Variants in SHTN1 observed in about 807,000 individuals in gnomAD.
SHTN1 encodes shootin-1.
Under a neutral mutation model 83.1 loss-of-function variants are expected in SHTN1, and 42 were observed. The observed-to-expected ratio is 0.51, with a 90% CI of 0.39 to 0.65. The LOEUF (loss-of-function observed/expected upper bound fraction) is 0.65. SHTN1 is among the 30% of genes least tolerant of loss of function. The pLI, the probability that SHTN1 is intolerant of heterozygous loss-of-function variation, is 0.00. For synonymous variants in SHTN1, 224 were observed against 247.7 expected, an observed-to-expected ratio of 0.90 and a Z score of 0.90; for missense variants, 622 against 737.8, an observed-to-expected ratio of 0.84 and a Z score of 1.82.
At chr10:117,040,596 A>G (rs4752026) in intron 2 of SHTN1, among the ~76,000 whole-genome samples, 134,819 of 152,160 alleles carry the variant, frequency 0.89, 61,055 homozygotes, top group Non-Finnish European at 0.98. Flanking sequence ...ACTGAGTGTG[A>G]ACTATATGGG....
intron 1 of SHTN1, among the ~76,000 whole-genome samples, chr10:116,994,876 C>T (rs1358710226): frequency 6.8e-6 from 1 of 146,100 alleles, no homozygotes; most frequent in Non-Finnish European, 1.5e-5. Context: ...TTAAATAAAC[C>T]CATTAGGTTT....
In SHTN1 at chr10:117,022,068, C is replaced by T. The variant is rs1056398669; in HGVS notation, c.-123+26377G>A. Among the ~76,000 whole-genome samples the T allele has an allele frequency of 2.6e-5, 4 of 152,246 alleles. No individual in the cohort carries two copies. The East Asian group carries it at 7.7e-4, about 29-fold the overall frequency. On this transcript the variant is annotated intron_variant, in intron 2 of 17. Transcript: ENST00000392901. The stretch of plus-strand genomic sequence containing the variant: ...TGCCACAACACTATATCATTAATTC[C>T]TGCTTGAGTTTCCAACCTATTGGCC...
intron 4 of SHTN1, among the ~76,000 whole-genome samples, chr10:116,958,783 C>T (rs1002929470): frequency 6.6e-6 from 1 of 152,216 alleles, no homozygotes; most frequent in African/African-American, 2.4e-5. Flanking sequence ...TCCATCATGT[C>T]ATTTAAGATG....
At chr10:117,067,105 G>A (rs1043937975) in intron 1 of SHTN1, among the ~76,000 whole-genome samples, 1 of 152,188 alleles carries the variant, frequency 6.6e-6, no homozygotes, top group Non-Finnish European at 1.5e-5. Flanking sequence ...ATATGCCTGA[G>A]GAGAAAGAGT....
intron 1 of SHTN1, among the ~76,000 whole-genome samples, chr10:116,981,640 G>T (rs1245472479): frequency 6.6e-6 from 1 of 152,126 alleles, no homozygotes; most frequent in Admixed American, 6.5e-5. Flanking sequence ...AAAAGACTTT[G>T]ATTTTAGGTT....
chr10:116,885,824 T>C lies in SHTN1; in HGVS notation c.*520A>G, dbSNP rs1847147808. The C allele has an allele frequency of 6.5e-6, 1 of 154,216 alleles. No homozygotes were observed. Among genetic ancestry groups the C allele is most frequent in the Middle Eastern group, 3.2e-3 (1 of 316 alleles). 9.6% of individuals were successfully genotyped at this position (154,216 alleles called of 1,614,324 possible). A position where few individuals can be genotyped will look rare whatever the true frequency, so the allele number is the denominator to read the frequency against. On this transcript the variant is annotated 3_prime_UTR_variant, in exon 17 of 17. Transcript: ENST00000355371. ...TTGATGCCAGCTCCTGAGTTTTCAG[T>C]TTATCTCAGTCTACTGTAGAAAATA...
chr10:116,969,438 C>T (rs1156646644), intron 2 of SHTN1, among the ~76,000 whole-genome samples: 3 of 152,054 alleles, frequency 2.0e-5, no homozygotes, highest in African/African-American at 4.8e-5. Context: ...GAGACTCTGA[C>T]TCAAAAAAAA....
intron 1 of SHTN1, among the ~76,000 whole-genome samples, chr10:117,093,437 C>T (rs561239251): frequency 4.6e-5 from 7 of 152,188 alleles, no homozygotes; most frequent in African/African-American, 1.7e-4. Context: ...TCCAGCTACT[C>T]GGGAGGCCGA....
At chr10:117,092,072 A>G (rs1853438119) in intron 1 of SHTN1, among the ~76,000 whole-genome samples, 1 of 152,226 alleles carries the variant, frequency 6.6e-6, no homozygotes, top group Non-Finnish European at 1.5e-5. Flanking sequence ...GATAGATGAA[A>G]GATTTAACCC....
chr10:117,005,420 G>A, upstream of SHTN1: 1 of 1,133,430 alleles, frequency 8.8e-7, no homozygotes. Context: ...CCCTGCGTGG[G>A]GTCGCTCCGC....
intron 5 of SHTN1, among the ~76,000 whole-genome samples, chr10:116,953,129 T>C (rs1017290028): frequency 6.6e-6 from 1 of 152,188 alleles, no homozygotes; most frequent in Non-Finnish European, 1.5e-5. Flanking sequence ...AACAAATAAA[T>C]GAATATTGCT....
At chr10:116,902,831 G>A (rs1847800171) in intron 15 of SHTN1, among the ~76,000 whole-genome samples, 2 of 152,178 alleles carry the variant, frequency 1.3e-5, no homozygotes, top group Non-Finnish European at 2.9e-5. Context: ...CACAAAACTT[G>A]GGTGTCTCTT....
chr10:116,951,007 G>A (rs1319644614), intron 6 of SHTN1, among the ~76,000 whole-genome samples: 2 of 152,068 alleles, frequency 1.3e-5, no homozygotes, highest in African/African-American at 4.8e-5. Context: ...GGAAGTGCTG[G>A]GCTACAGAAT....
At chr10:116,953,627 T>G (rs984261890) in intron 5 of SHTN1, among the ~76,000 whole-genome samples, 1 of 137,868 alleles carries the variant, frequency 7.3e-6, no homozygotes, top group Non-Finnish European at 1.6e-5. Flanking sequence ...TGTTTTGTTT[T>G]TTTTTTTTTT....
intron 15 of SHTN1, among the ~76,000 whole-genome samples, chr10:116,905,077 T>C (rs897147286): frequency 1.3e-4 from 20 of 151,602 alleles, no homozygotes; most frequent in African/African-American, 4.8e-4. Context: ...GGCGGGCGCC[T>C]GTAGTCCCAG....
At chr10:117,027,962 G>A (rs1220629160) in intron 2 of SHTN1, among the ~76,000 whole-genome samples, 1 of 152,230 alleles carries the variant, frequency 6.6e-6, no homozygotes, top group East Asian at 1.9e-4. Flanking sequence ...ACAGGAAGAT[G>A]AGGGAATGTT....
chr10:117,030,591 T>C (rs1384785654), intron 2 of SHTN1, among the ~76,000 whole-genome samples: 1 of 151,858 alleles, frequency 6.6e-6, no homozygotes, highest in African/African-American at 2.4e-5. Context: ...TTGAGGAAAC[T>C]CAAAGAAATT....
intron 2 of SHTN1, among the ~76,000 whole-genome samples, chr10:116,970,679 A>C (rs1850582639): frequency 6.6e-6 from 1 of 150,836 alleles, no homozygotes. Context: ...ATGCCACTGC[A>C]CTCCAGCCTG....
chr10:116,981,499 G>C (rs566899101), intron 1 of SHTN1, among the ~76,000 whole-genome samples: 13 of 152,160 alleles, frequency 8.5e-5, no homozygotes, highest in African/African-American at 2.9e-4. Flanking sequence ...TTAACTGAAA[G>C]AAACAAGAAC....
Sources: allele counts gnomAD v4.1 joint callset (sites outside exome capture counted in the v4.1 genomes callset), GRCh38; gene constraint gnomAD v4.1.1; transcripts MANE v1.5; gene names NCBI Gene and HGNC (gene_info 2026-07-23, HGNC 2026-07-21).